Variants in SLC35E4 observed in about 807,000 individuals in gnomAD.
SLC35E4 encodes solute carrier family 35 member E4.
Under a neutral mutation model 19.3 loss-of-function variants are expected in SLC35E4, and 15 were observed. The observed-to-expected ratio is 0.78, with a 90% CI of 0.52 to 1.20. The LOEUF (loss-of-function observed/expected upper bound fraction) is 1.20, where lower values mean the gene tolerates loss of function less well. SLC35E4 is among the 50% of genes most tolerant of loss of function. SLC35E4 has a pLI of 0.00. For missense variants in SLC35E4, 406 were observed against 472.3 expected, an observed-to-expected ratio of 0.86 and a Z score of 1.30; for synonymous variants, 219 against 219.9, an observed-to-expected ratio of 1.00 and a Z score of 0.04.
At chr22:30,666,946 A>T (rs1476618500), downstream of SLC35E4, 1 of 152,182 alleles carries the variant, frequency 6.6e-6, no homozygotes, top group African/African-American at 2.4e-5. Context: ...GCTCTGTGAA[A>T]GGGAAGTGTA....
chr22:30,658,387 T>A (rs6518710), intron 2 of SLC35E4, among the ~76,000 whole-genome samples: 1,501 of 134,094 alleles, frequency 0.011, 12 homozygotes, highest in South Asian at 0.035. Flanking sequence ...AAAAAAAAAA[T>A]TTTTTTTTTT....
chr22:30,644,230 A>G (rs1358463153), intron 1 of SLC35E4, among the ~76,000 whole-genome samples: 1 of 152,230 alleles, frequency 6.6e-6, no homozygotes, highest in East Asian at 1.9e-4. Context: ...TTTGTTGCCT[A>G]GAGAACAAAG....
chr22:30,657,650 A>C (rs2088367883), intron 2 of SLC35E4, among the ~76,000 whole-genome samples: 1 of 151,802 alleles, frequency 6.6e-6, no homozygotes, highest in Non-Finnish European at 1.5e-5. Flanking sequence ...CATGCCTGTA[A>C]TCCCAGTACT....
Position 30,636,968 on chromosome 22 carries a change from G to A in SLC35E4, c.518G>A (p.Gly173Glu). The A allele has an allele frequency of 6.2e-7, 1 of 1,612,158 alleles. No individual in the cohort carries two copies. The highest frequency in any genetic ancestry group is 1.3e-5 in the African/African-American group (1 of 75,038). ...QLAAMGPLCL[G>E]AACSLAGEFR... ...GCCGCCATGGGTCCGCTCTGCCTGG[G>A]GGCCGCCTGCAGCCTGGCTGGAGAG... Residue 173 changes from glycine (G) to glutamate (E), a missense_variant, in exon 1 of 2, where the codon GGG (glycine) becomes GAG (glutamate). Coordinates refer to ENST00000343605, the MANE Select transcript of SLC35E4 (RefSeq NM_001001479.4).
intron 1 of SLC35E4, among the ~76,000 whole-genome samples, chr22:30,646,219 C>A (rs1490277118): frequency 6.6e-6 from 1 of 152,158 alleles, no homozygotes; most frequent in Non-Finnish European, 1.5e-5. Flanking sequence ...TGATAACAGA[C>A]TTATTTATTT....
chr22:30,636,210 C>T lies in SLC35E4; in HGVS notation c.-241C>T. On this transcript the variant is annotated 5_prime_UTR_variant, in exon 1 of 2. Transcript: ENST00000343605. The stretch of plus-strand genomic sequence containing the variant: ...GTGCCTGGAGCCCACGCTTGAGCAT[C>T]GGAGACCCTGGCATCCTAGCAGCCG... 1 of 520,600 alleles carries T rather than the reference C, an allele frequency of 1.9e-6. No homozygotes were observed. The highest frequency in any genetic ancestry group is 3.1e-5 in the East Asian group (1 of 32,504). The allele number at this position is 520,600 out of a possible 1,614,324, so 32.2% of individuals were successfully genotyped here.
downstream of SLC35E4, among the ~76,000 whole-genome samples, chr22:30,665,976 A>G (rs5994331): frequency 9.2e-3 from 1,395 of 152,270 alleles, 16 homozygotes; most frequent in African/African-American, 0.032. Context: ...TACTAAAGAG[A>G]AAGACCAAAG....
At chr22:30,657,293 ACACAC>A (rs1378728219) in intron 2 of SLC35E4, among the ~76,000 whole-genome samples, 3 of 150,772 alleles carry the variant, frequency 2.0e-5, no homozygotes, top group Non-Finnish European at 4.4e-5. Context: ...ACACACACAC[ACACAC>A]ACACACACAA....
At chr22:30,641,718 A>ATTTTT (rs56070783) in intron 1 of SLC35E4, among the ~76,000 whole-genome samples, 1 of 108,948 alleles carries the variant, frequency 9.2e-6, no homozygotes, top group East Asian at 2.5e-4. Context: ...CTAATTTTTA[A>ATTTTT]TTTTTTTTTT....
chr22:30,653,112 T>C (rs577912079), intron 2 of SLC35E4, among the ~76,000 whole-genome samples: 8 of 152,332 alleles, frequency 5.3e-5, no homozygotes, highest in East Asian at 3.9e-4. Context: ...GCCCACAGCA[T>C]GCACTTAGTA....
chr22:30,663,979 G>T, downstream of SLC35E4: 1 of 1,613,918 alleles, frequency 6.2e-7, no homozygotes, highest in Non-Finnish European at 8.5e-7. Flanking sequence ...AACTGAACTG[G>T]GAAGGCACAC....
chr22:30,660,606 C>G (rs1173576901), intron 2 of SLC35E4, among the ~76,000 whole-genome samples: 1 of 152,186 alleles, frequency 6.6e-6, no homozygotes, highest in Non-Finnish European at 1.5e-5. Context: ...GAAATCATAG[C>G]TGAGAACTTC....
chr22:30,655,001 C>T (rs745616457), intron 2 of SLC35E4, among the ~76,000 whole-genome samples: 3 of 152,156 alleles, frequency 2.0e-5, no homozygotes, highest in Non-Finnish European at 4.4e-5. Flanking sequence ...AGAACCAAGA[C>T]GACCTTGTGC....
chr22:30,648,536 G>C (rs1158439628), downstream of SLC35E4, among the ~76,000 whole-genome samples: 1 of 152,154 alleles, frequency 6.6e-6, no homozygotes, highest in Non-Finnish European at 1.5e-5. Context: ...CGGATCACCT[G>C]ATGTCAGGGG....
chr22:30,660,768 C>T (rs2088441143), intron 2 of SLC35E4, among the ~76,000 whole-genome samples: 1 of 151,938 alleles, frequency 6.6e-6, no homozygotes, highest in Non-Finnish European at 1.5e-5. Flanking sequence ...AAAGCATTAC[C>T]TGTTGGGAAA....
In SLC35E4 at chr22:30,646,626, C is replaced by T. The variant is rs1389885454; in HGVS notation, c.648C>T (p.Asp216=). 1.4e-5 allele frequency: 22 copies of T among 1,606,018 alleles called. No individual in the cohort carries two copies. Among genetic ancestry groups the T allele is most frequent in the East Asian group, 2.2e-5 (1 of 44,784 alleles). The change falls in exon 2 of 2, where the codon GAC becomes GAT. Residue 216 remains aspartate, a synonymous_variant. Coordinates refer to ENST00000343605, the MANE Select transcript of SLC35E4 (RefSeq NM_001001479.4). ...CCCTGCTGCAGGAGGAGAGGCTGGACGCGGTGACCCTGCTTTACGCCACCT... is the reference window on the plus strand; with the variant it reads ...CCCTGCTGCAGGAGGAGAGGCTGGATGCGGTGACCCTGCTTTACGCCACCT... ...QSALLQEERL[D]AVTLLYATSL... is the part of the protein sequence containing the mutation.
chr22:30,652,541 A>G (rs2088242693), downstream of SLC35E4, among the ~76,000 whole-genome samples: 1 of 152,266 alleles, frequency 6.6e-6, no homozygotes, highest in Admixed American at 6.5e-5. Context: ...TATGCCCAGG[A>G]ATGAATAAAG....
At chr22:30,649,034 A>G (rs1168582828), downstream of SLC35E4, 4 of 615,662 alleles carry the variant, frequency 6.5e-6, no homozygotes. Context: ...TGTAACACCT[A>G]ACTCTCCCCA....
intron 2 of SLC35E4, among the ~76,000 whole-genome samples, chr22:30,657,410 G>T (rs1369577681): frequency 6.8e-6 from 1 of 147,924 alleles, no homozygotes; most frequent in African/African-American, 2.5e-5. Flanking sequence ...AGTAAGCCGA[G>T]ATCACACCAT....
Sources: gnomAD v4.1 joint callset for allele counts (sites outside exome capture counted in the v4.1 genomes callset) on GRCh38, gnomAD v4.1.1 for gene constraint, MANE v1.5 for transcripts, NCBI Gene and HGNC (gene_info 2026-07-23, HGNC 2026-07-21) for gene names.